LYST: variants seen among roughly 807,000 people sequenced by gnomAD.
LYST encodes lysosomal trafficking regulator.
A neutral mutation model predicts 413.6 loss-of-function variants in LYST; 192 were observed. The ratio of observed to expected loss-of-function variants is 0.46; its 90% confidence interval spans 0.41 to 0.52. LYST has a LOEUF of 0.52. LYST is among the 20% of genes least tolerant of loss of function. The probability of loss-of-function intolerance (pLI) is 0.00; values close to 1 mark genes in which losing one functional copy is unlikely to be tolerated. For synonymous variants in LYST, 1,525 were observed against 1,567.3 expected, an observed-to-expected ratio of 0.97 and a Z score of 0.64; for missense variants, 3,815 against 4,499.9, an observed-to-expected ratio of 0.85 and a Z score of 4.35.
chr1:235,682,027 G>A (rs192246232), intron 48 of LYST, among the ~76,000 whole-genome samples: 152 of 152,208 alleles, frequency 1.0e-3, no homozygotes, highest in African/African-American at 3.5e-3. Flanking sequence ...GGGTTATTAC[G>A]AAGATTTAAC....
In LYST at chr1:235,682,138, C is replaced by A. The variant is rs534405637; in HGVS notation, c.10801-4519G>T. Among the ~76,000 whole-genome samples, 10 of 152,086 alleles carry A rather than the reference C, an allele frequency of 6.6e-5. No homozygotes were observed. In the South Asian group the frequency reaches 1.2e-3, roughly 19 times the overall value. On this transcript the variant is annotated intron_variant, in intron 48 of 52. Transcript: ENST00000389793. ...TAGCCTGAGCAACATAGTGGGAGCC[C>A]GTCTCTAGAAAAAAATTTAAAAAGT...
At position 235,673,726 on chromosome 1, in the gene LYST, C is replaced by G. The variant is rs949714912; in HGVS notation, c.11038+3365G>C. Among the ~76,000 whole-genome samples the G allele has an allele frequency of 5.1e-4, 78 of 152,264 alleles. 2 individuals are homozygous for G. Among genetic ancestry groups the G allele is most frequent in the Admixed American group, 4.3e-3 (66 of 15,292 alleles). On this transcript the variant is annotated intron_variant, in intron 50 of 52. Transcript: ENST00000389793. ...TTTGAAATGCGCTTTGTTTCTTCCC[C>G]GCTATCCTCTATTGTTACCCCTTCC...
intron 3 of LYST, among the ~76,000 whole-genome samples, chr1:235,820,829 C>T (rs969426368): frequency 9.9e-5 from 15 of 152,060 alleles, no homozygotes; most frequent in Non-Finnish European, 1.9e-4. Flanking sequence ...TGTATATACA[C>T]ATATATGAAA....
Position 235,766,103 on chromosome 1 carries a change from TCG to T in LYST, c.6095_6096del (p.Thr2032LysfsTer52). The T allele has an allele frequency of 6.2e-7, 1 of 1,613,400 alleles. No homozygotes were observed. The highest frequency in any genetic ancestry group is 8.5e-7 in the Non-Finnish European group (1 of 1,179,400). ...PTNTYVCHNP[T>X]NFYFSLHIDG... ...CCTATGTGCAAAGAAAAGTAGAAGTTCGTGGGATTGTGACAAACGTAAGTATT... is the reference window on the plus strand; with the variant it reads ...CCTATGTGCAAAGAAAAGTAGAAGTTTGGGATTGTGACAAACGTAAGTATT... On this transcript the variant is annotated frameshift_variant, in exon 21 of 53. Coordinates refer to ENST00000389793, the MANE Select transcript of LYST (RefSeq NM_000081.4). LOFTEE classifies it high-confidence loss of function.
chr1:235,762,880 A>G, intron 21 of LYST, 29 bp from the exon 22 acceptor site: 3 of 1,591,788 alleles, frequency 1.9e-6, no homozygotes, highest in Non-Finnish European at 2.6e-6. Flanking sequence ...TTGAAACAGC[A>G]AAATTTTTAA....
At chr1:235,692,258 G>A (rs187045262) in intron 47 of LYST, among the ~76,000 whole-genome samples, 15 of 151,568 alleles carry the variant, frequency 9.9e-5, no homozygotes, top group Admixed American at 3.9e-4. Flanking sequence ...GCTTGAATCC[G>A]GGAGGCGGAG....
Position 235,664,735 on chromosome 1 carries a change from T to G in LYST, c.11039-114A>C, listed in dbSNP as rs769932143. ...AGCTCATTTGTTTATTGATGAAGTT[T>G]GTAGACAACCCATGACTGAAGACTG... On this transcript the variant is annotated intron_variant, in intron 50 of 52. Coordinates refer to ENST00000389793, the MANE Select transcript of LYST (RefSeq NM_000081.4). This position sits in a 1 kb window ranked among gnomAD's most constrained non-coding sequence, Gnocchi z 4.5. 9.2e-6 allele frequency: 8 copies of G among 865,824 alleles called. No homozygotes were observed. Among genetic ancestry groups the G allele is most frequent in the Non-Finnish European group, 1.5e-5 (8 of 519,410 alleles). The allele number at this position is 865,824 out of a possible 1,614,324, so 53.6% of individuals were successfully genotyped here. A position where few individuals can be genotyped will look rare whatever the true frequency, so the allele number is the denominator to read the frequency against.
rs780953645 is a variant in LYST, at chr1:235,759,532, T to C, written c.6321A>G (p.Pro2107=). ...AAHMLRSRSL[P]AFPTSSLLTQ... is the part of the protein sequence containing the mutation. Reference sequence around the variant, plus strand: ...TTAGTAGTGAAGAAGTAGGGAATGCTGGTAGGCTTCTAGAACGCAGCATAT... The same window carrying C: ...TTAGTAGTGAAGAAGTAGGGAATGCCGGTAGGCTTCTAGAACGCAGCATAT... Residue 2107 remains proline (P), a synonymous_variant, in exon 23 of 53, where the codon CCA becomes CCG. Coordinates refer to ENST00000389793, the MANE Select transcript of LYST (RefSeq NM_000081.4). 1.2e-6 allele frequency: 2 copies of C among 1,613,890 alleles called. No homozygotes were observed. Among genetic ancestry groups the C allele is most frequent in the South Asian group, 2.2e-5 (2 of 91,072 alleles).
chr1:235,882,079 C>CACAA (rs1681403091), intron 1 of LYST, among the ~76,000 whole-genome samples: 1 of 49,666 alleles, frequency 2.0e-5, no homozygotes, highest in African/African-American at 8.5e-5. Flanking sequence ...CTCTTTCTTT[C>CACAA]ACACACACAC....
At chr1:235,747,997 C>T (rs1040522132) in intron 28 of LYST, among the ~76,000 whole-genome samples, 1 of 152,112 alleles carries the variant, frequency 6.6e-6, no homozygotes, top group South Asian at 2.1e-4. Context: ...GCAACTGGTA[C>T]ATGGTTGGTA....
At chr1:235,839,264 G>GT (rs11451182) in intron 1 of LYST, among the ~76,000 whole-genome samples, 75,455 of 148,970 alleles carry the variant, frequency 0.51, 22,242 homozygotes, top group African/African-American at 0.82. Flanking sequence ...TATATATACA[G>GT]TTTTTTTTTT....
At chr1:235,691,289 C>T (rs1487723299) in intron 47 of LYST, among the ~76,000 whole-genome samples, 1 of 152,160 alleles carries the variant, frequency 6.6e-6, no homozygotes. Context: ...AGTGTGAGTA[C>T]TATTATCTTG....
At chr1:235,697,476 G>A (rs1039273331) in intron 45 of LYST, among the ~76,000 whole-genome samples, 1 of 152,068 alleles carries the variant, frequency 6.6e-6, no homozygotes, top group African/African-American at 2.4e-5. Flanking sequence ...TTACTCTGTG[G>A]TTCTGGCCTA....
At chr1:235,778,098 A>AATAT (rs139907712) in intron 16 of LYST, among the ~76,000 whole-genome samples, 9,299 of 127,902 alleles carry the variant, frequency 0.073, 1,294 homozygotes, top group African/African-American at 0.26. Flanking sequence ...AACCCAGTTA[A>AATAT]ATATATATAT....
intron 1 of LYST, among the ~76,000 whole-genome samples, chr1:235,878,679 T>C (rs778965577): frequency 1.6e-4 from 25 of 152,138 alleles, no homozygotes; most frequent in Non-Finnish European, 2.9e-4. Context: ...GCCAAACCCA[T>C]AGCACCATTT....
intron 42 of LYST, among the ~76,000 whole-genome samples, chr1:235,713,813 T>C (rs763034311): frequency 6.6e-6 from 1 of 151,914 alleles, no homozygotes; most frequent in African/African-American, 2.4e-5. Flanking sequence ...TTGAAACTAA[T>C]GAGATGAAAG....
intron 42 of LYST, among the ~76,000 whole-genome samples, chr1:235,714,446 T>A (rs1262723217): frequency 6.6e-6 from 1 of 152,186 alleles, no homozygotes; most frequent in Non-Finnish European, 1.5e-5. Flanking sequence ...AAGCCCCTTT[T>A]ATAGACCAAT....
In LYST at chr1:235,810,129, C is replaced by T. The variant is rs149470152; in HGVS notation, c.689G>A (p.Arg230Lys). ...TAAAATGTCAGTGTTTGACCCCTGT[C>T]TTGGAATAATCTCTCTGGAATTTTC... ...ALENSREIIPRQGSNTDILSE... is the reference protein window; with the variant it reads ...ALENSREIIPKQGSNTDILSE... Residue 230 changes from arginine to lysine, a missense_variant, in exon 5 of 53, where the codon AGA (arginine) becomes AAA (lysine). Arg to Lys is a conservative substitution (Grantham distance 26). Around this residue, in one of 4 missense-constraint regions of LYST, gnomAD observed 1,648 missense variants for 1,810.3 expected, o/e 0.91. Coordinates refer to ENST00000389793, the MANE Select transcript of LYST (RefSeq NM_000081.4). The T allele has an allele frequency of 1.9e-6, 3 of 1,614,034 alleles. No individual in the cohort carries two copies. The highest frequency in any genetic ancestry group is 2.5e-6 in the Non-Finnish European group (3 of 1,180,012).
At chr1:235,750,153 T>C (rs550617542) in intron 28 of LYST, among the ~76,000 whole-genome samples, 2 of 152,278 alleles carry the variant, frequency 1.3e-5, no homozygotes, top group African/African-American at 4.8e-5. Flanking sequence ...AGCTGAGCAC[T>C]AATGCTAGAA....
Sources: gnomAD v4.1 joint callset for allele counts (sites outside exome capture counted in the v4.1 genomes callset) on GRCh38, gnomAD v4.1.1 for gene constraint, gnomAD v4.1.1 regional missense constraint, Gnocchi (gnomAD v3.1) non-coding constraint, MANE v1.5 for transcripts, NCBI Gene and HGNC (gene_info 2026-07-23, HGNC 2026-07-21) for gene names.